PRPF8: variants seen among roughly 807,000 people sequenced by gnomAD.
PRPF8 encodes pre-mRNA processing factor 8.
In PRPF8, 64 loss-of-function variants were observed where a neutral mutation model predicts 285.9. The observed-to-expected ratio is 0.22, with a 90% CI of 0.18 to 0.28. The LOEUF is 0.28. PRPF8 is among the 10% of genes least tolerant of loss of function. PRPF8 has a pLI of 1.00. For missense variants in PRPF8, 1,426 were observed against 3,026.7 expected (o/e 0.47, Z 12.41); for synonymous variants, 1,325 against 1,118.2 (o/e 1.18, Z -3.69).
chr17:1,669,195 C>T (rs375256246), intron 24 of PRPF8, among the ~76,000 whole-genome samples: 37 of 152,314 alleles, frequency 2.4e-4, no homozygotes, highest in African/African-American at 8.2e-4. Flanking sequence ...CAACCTCTAC[C>T]TCCCGGGTTC....
intron 8 of PRPF8, 36 bp downstream of exon 8, chr17:1,680,690 G>C (rs746947442): frequency 6.4e-7 from 1 of 1,565,864 alleles, no homozygotes; most frequent in Non-Finnish European, 8.8e-7. Context: ...ATTTCTCCTA[G>C]AAGAGCTGAG....
chr17:1,662,557 C>G (rs1282831222), intron 24 of PRPF8, among the ~76,000 whole-genome samples: 1 of 151,276 alleles, frequency 6.6e-6, no homozygotes, highest in Non-Finnish European at 1.5e-5. Flanking sequence ...CCACTGCATT[C>G]CAGCCTGGGC....
Position 1,660,525 on chromosome 17 carries a change from G to C in PRPF8, c.4692C>G (p.Gly1564=), listed in dbSNP as rs1461370935. Residue 1564 remains glycine (G), a synonymous_variant, in exon 30 of 43, where the codon GGC becomes GGG. Coordinates refer to ENST00000304992, the MANE Select transcript of PRPF8 (RefSeq NM_006445.4). ...GAGAGATCTTCAGCGTGGGGATCTT[G>C]CCGTGCATGAAGATACCCGTCAGGT... ...QLDLTGIFMH[G]KIPTLKISLI... The C allele has an allele frequency of 2.5e-6, 4 of 1,614,200 alleles. No homozygotes were observed. Among genetic ancestry groups the C allele is most frequent in the Non-Finnish European group, 3.4e-6 (4 of 1,180,038 alleles).
In PRPF8 at chr17:1,679,217, A is replaced by G. The variant is rs1912770323; in HGVS notation, c.1410-11T>C. The G allele has an allele frequency of 1.2e-6, 2 of 1,614,222 alleles. No homozygotes were observed. Among genetic ancestry groups the G allele is most frequent in the Admixed American group, 3.3e-5 (2 of 60,024 alleles). ...GAGCGGAACAAATACCTGAGGTGGG[A>G]ACATGGAGAGTAAGAGTCAGCCTAC... On this transcript the variant is annotated splice_polypyrimidine_tract_variant and intron_variant, in intron 10 of 42. Transcript: ENST00000304992. This position sits in a 1 kb window ranked among gnomAD's most constrained non-coding sequence, Gnocchi z 4.7.
At chr17:1,669,911 T>C (rs1912213672) in intron 24 of PRPF8, among the ~76,000 whole-genome samples, 1 of 152,222 alleles carries the variant, frequency 6.6e-6, no homozygotes. Context: ...ATTCTTGAGC[T>C]TTTGACCTTT....
In PRPF8 at chr17:1,673,718, A is replaced by G; in HGVS notation, c.3446+28T>C. ...CTGGGCCCTTAGCTTATGTCCTTCC[A>G]GCTCACACAGCCCCAACCTAGACTC... On this transcript the variant is annotated intron_variant, in intron 22 of 42. Transcript: ENST00000304992. This position sits in a 1 kb window ranked among gnomAD's most constrained non-coding sequence, Gnocchi z 5.5. The G allele has an allele frequency of 6.2e-7, 1 of 1,613,674 alleles. No homozygotes were observed. Among genetic ancestry groups the G allele is most frequent in the Non-Finnish European group, 8.5e-7 (1 of 1,180,002 alleles).
intron 8 of PRPF8, 70 bp downstream of exon 8, chr17:1,680,656 T>C: frequency 7.1e-7 from 1 of 1,400,746 alleles, no homozygotes; most frequent in Non-Finnish European, 1.0e-6. Context: ...CCTGAGCGTT[T>C]AGTAACATCA....
At position 1,675,523 on chromosome 17, in the gene PRPF8, C is replaced by T; in HGVS notation, c.2872+97G>A. ...ACTACTTCCCTTTACTACCACGCAT[C>T]AAGAGAGTAAACCAATCATGCTACC... On this transcript the variant is annotated intron_variant, in intron 19 of 42. Coordinates refer to ENST00000304992, the MANE Select transcript of PRPF8 (RefSeq NM_006445.4). This position sits in a 1 kb window ranked among gnomAD's most constrained non-coding sequence, Gnocchi z 6.0. The T allele has an allele frequency of 3.3e-6, 5 of 1,537,606 alleles. No homozygotes were observed. The highest frequency in any genetic ancestry group is 4.5e-6 in the Non-Finnish European group (5 of 1,112,362).
chr17:1,671,054 C>A (rs565664398), intron 24 of PRPF8, among the ~76,000 whole-genome samples: 1 of 152,132 alleles, frequency 6.6e-6, no homozygotes, highest in African/African-American at 2.4e-5. Flanking sequence ...ATTTATCCAG[C>A]CTCATCTCTT....
chr17:1,654,288 A>T (rs773051494), intron 37 of PRPF8: 2 of 589,492 alleles, frequency 3.4e-6, no homozygotes, highest in Non-Finnish European at 6.1e-6. Flanking sequence ...ATGCTCTGGC[A>T]TGGAACTGTT....
In PRPF8 at chr17:1,682,041, G is replaced by A. The variant is rs112242959; in HGVS notation, c.435-3C>T. 15 of 1,613,806 alleles carry A rather than the reference G, an allele frequency of 9.3e-6. No homozygotes were observed. The highest frequency in any genetic ancestry group is 6.7e-5 in the African/African-American group (5 of 74,904). ...GGCGCATCATAATCCACATTGACCT[G>A]GAAGGCAAGACATCACACAACCATT... is the stretch of plus-strand genomic sequence containing the variant. On this transcript the variant is annotated splice_region_variant and splice_polypyrimidine_tract_variant and intron_variant, in intron 4 of 42. Coordinates refer to ENST00000304992, the MANE Select transcript of PRPF8 (RefSeq NM_006445.4).
chr17:1,679,856 G>A lies in PRPF8; in HGVS notation c.1099-57C>T, dbSNP rs1191195298. The A allele has an allele frequency of 1.3e-6, 2 of 1,592,708 alleles. No individual in the cohort carries two copies. Among genetic ancestry groups the A allele is most frequent in the Non-Finnish European group, 1.7e-6 (2 of 1,160,426 alleles). On this transcript the variant is annotated intron_variant, in intron 8 of 42. Coordinates refer to ENST00000304992, the MANE Select transcript of PRPF8 (RefSeq NM_006445.4). This position sits in a 1 kb window ranked among gnomAD's most constrained non-coding sequence, Gnocchi z 4.7. ...CCTGCTGAACTAGGCACAGACTTAA[G>A]ATGAGGGAAATTCTCTGGGGCCAAG...
chr17:1,660,165 C>T (rs1390562804), intron 30 of PRPF8, among the ~76,000 whole-genome samples, 164 bp from the exon 31 acceptor site: 1 of 152,136 alleles, frequency 6.6e-6, no homozygotes, highest in Non-Finnish European at 1.5e-5. Context: ...ACAGCACGCT[C>T]TCCCCGCGAT....
Position 1,661,214 on chromosome 17 carries a change from T to C in PRPF8, c.4339-52A>G. 2 of 1,614,112 alleles carry C rather than the reference T, an allele frequency of 1.2e-6. No individual in the cohort carries two copies. The highest frequency in any genetic ancestry group is 1.7e-6 in the Non-Finnish European group (2 of 1,180,022). On this transcript the variant is annotated intron_variant, in intron 27 of 42. Transcript: ENST00000304992. The surrounding 1 kb of genome is among the most constrained non-coding windows in gnomAD (Gnocchi z 7.3). ...GCTTCTGGGTGCCTATTGCCCCAAGTTTCGGGGATAGCCATGGATTTTCCT... is the reference window on the plus strand; with the variant it reads ...GCTTCTGGGTGCCTATTGCCCCAAGCTTCGGGGATAGCCATGGATTTTCCT...
intron 13 of PRPF8, chr17:1,678,303 A>T: frequency 1.7e-6 from 1 of 574,320 alleles, no homozygotes; most frequent in Non-Finnish European, 3.1e-6. Context: ...CAACAGAGAA[A>T]GACTCAGTTT....
In PRPF8 at chr17:1,661,226, C is replaced by T. The variant is rs759488631; in HGVS notation, c.4338+45G>A. On this transcript the variant is annotated intron_variant, in intron 27 of 42. Transcript: ENST00000304992. The surrounding 1 kb of genome is among the most constrained non-coding windows in gnomAD (Gnocchi z 7.3). ...CTATTGCCCCAAGTTTCGGGGATAG[C>T]CATGGATTTTCCTGACTCAGGGAAA... The T allele has an allele frequency of 6.2e-7, 1 of 1,614,078 alleles. No homozygotes were observed. Among genetic ancestry groups the T allele is most frequent in the Non-Finnish European group, 8.5e-7 (1 of 1,180,014 alleles).
intron 20 of PRPF8, 145 bp from the exon 21 acceptor site, chr17:1,674,825 G>A (rs991506303): frequency 2.3e-6 from 2 of 879,644 alleles, no homozygotes; most frequent in Non-Finnish European, 3.7e-6. Context: ...GGCTGAGAGT[G>A]CACTGGCGCA....
chr17:1,652,578 C>T (rs1344635462), intron 39 of PRPF8, among the ~76,000 whole-genome samples: 1 of 152,178 alleles, frequency 6.6e-6, no homozygotes, highest in Non-Finnish European at 1.5e-5. Context: ...CAGGGTATCA[C>T]TCTGTCACCC....
chr17:1,680,464 CAAT>C (rs1313895773), intron 8 of PRPF8: 1 of 565,550 alleles, frequency 1.8e-6, no homozygotes, highest in African/African-American at 1.9e-5. Context: ...CAAACAAACA[CAAT>C]AGAGACAGAC....
Sources: allele counts gnomAD v4.1 joint callset (sites outside exome capture counted in the v4.1 genomes callset), GRCh38; gene constraint gnomAD v4.1.1; non-coding constraint Gnocchi (gnomAD v3.1); transcripts MANE v1.5; gene names NCBI Gene and HGNC (gene_info 2026-07-23, HGNC 2026-07-21).